Variants in MPRIP observed in about 807,000 individuals in gnomAD.
MPRIP encodes myosin phosphatase Rho-interacting protein.
In MPRIP, 59 loss-of-function variants were observed where a neutral mutation model predicts 234.9. The observed-to-expected ratio is 0.25, with a 90% confidence interval of 0.20 to 0.31. The LOEUF is 0.31. Among genes scored for constraint, MPRIP ranks in the 10% least tolerant of loss-of-function variants. The pLI, the probability that MPRIP is intolerant of heterozygous loss-of-function variation, is 1.00. For synonymous variants in MPRIP, 1,144 were observed against 1,263.9 expected (o/e 0.91, Z 2.01); for missense variants, 2,436 against 3,071.0 (o/e 0.79, Z 4.89).
rs1477290340 is a variant in MPRIP at position 17,150,020 on chromosome 17, CACTT to C, written c.1630-123_1630-120del. On this transcript the variant is annotated intron_variant, in intron 11 of 23. Transcript: ENST00000651222. ...GCAGTAGTAGGATAGACGGTGTCCTCACTTGTCAGTGTGTATACTATTAAAAGTA... is the reference window on the plus strand; with the variant it reads ...GCAGTAGTAGGATAGACGGTGTCCTCGTCAGTGTGTATACTATTAAAAGTA... The C allele has an allele frequency of 4.2e-6, 3 of 715,200 alleles. No homozygotes were observed. In the African/African-American group the frequency reaches 5.2e-5, roughly 12 times the overall value. The allele number at this position is 715,200 out of a possible 1,614,324, so 44.3% of individuals were successfully genotyped here.
chr17:17,124,291 G>A (rs2090450458), intron 3 of MPRIP, among the ~76,000 whole-genome samples: 1 of 152,232 alleles, frequency 6.6e-6, no homozygotes. Context: ...CTGAACCCTG[G>A]AACAGTGGCC....
intron 13 of MPRIP, among the ~76,000 whole-genome samples, chr17:17,154,627 C>T (rs1045116244): frequency 3.9e-5 from 6 of 152,220 alleles, no homozygotes; most frequent in Admixed American, 6.5e-5. Context: ...TAAGCCCAAG[C>T]GTTTCATCTT....
In MPRIP at chr17:17,167,317, T is replaced by C. The variant is rs2046023639; in HGVS notation, c.5726T>C (p.Val1909Ala). The C allele has an allele frequency of 7.7e-6, 10 of 1,303,636 alleles. No individual in the cohort carries two copies. The highest frequency in any genetic ancestry group is 1.0e-5 in the Non-Finnish European group (10 of 988,906). 80.8% of individuals were successfully genotyped at this position (1,303,636 alleles called of 1,614,324 possible). The change falls in exon 16 of 24, where the codon GTT (valine) becomes GCT (alanine). Residue 1909 changes from valine to alanine, a missense_variant. Physicochemically the swap from Val to Ala is moderately conservative, Grantham distance 64. Around this residue, in one of 4 missense-constraint regions of MPRIP, gnomAD observed 1,998 missense variants for 2,520.3 expected, o/e 0.79. Transcript: ENST00000651222. This position sits in a 1 kb window ranked among gnomAD's most constrained non-coding sequence, Gnocchi z 5.9. Reference sequence around the variant, plus strand: ...GAGTACCTGGATGTGATCGCCATTGTTGAAAGGGAGAATGCAGAGCTCAAG... The same window carrying C: ...GAGTACCTGGATGTGATCGCCATTGCTGAAAGGGAGAATGCAGAGCTCAAG... ...KSEYLDVIAI[V>A]ERENAELKAK...
intron 9 of MPRIP, among the ~76,000 whole-genome samples, chr17:17,144,281 G>A (rs2045408027): frequency 6.6e-6 from 1 of 152,204 alleles, no homozygotes; most frequent in Non-Finnish European, 1.5e-5. Flanking sequence ...GCTCACCATG[G>A]GCCTCCGGCC....
At position 17,166,193 on chromosome 17, in the gene MPRIP, G is replaced by A. The variant is rs918040199; in HGVS notation, c.4602G>A (p.Leu1534=). Residue 1534 remains leucine, a synonymous_variant, in exon 16 of 24, where the codon CTG becomes CTA. Transcript: ENST00000651222. This position sits in a 1 kb window ranked among gnomAD's most constrained non-coding sequence, Gnocchi z 4.4. ...APAHGGARAQ[L]ETGGTEENGK... ...CCCATGGCGGGGCCCGTGCACAGCT[G>A]GAGACAGGTGGCACCGAGGAGAATG... The A allele has an allele frequency of 8.5e-5, 111 of 1,303,086 alleles. No individual in the cohort carries two copies. Among genetic ancestry groups the A allele is most frequent in the Middle Eastern group, 6.4e-4 (3 of 4,714 alleles). 80.7% of individuals were successfully genotyped at this position (1,303,086 alleles called of 1,614,324 possible).
intron 1 of MPRIP, among the ~76,000 whole-genome samples, chr17:17,060,932 C>G (rs6502558): frequency 0.045 from 6,803 of 152,296 alleles, 472 homozygotes; most frequent in African/African-American, 0.14. Context: ...AGTTCTAGCA[C>G]AGTTTGGTCA....
At chr17:17,066,873 C>T (rs541162324) in intron 1 of MPRIP, among the ~76,000 whole-genome samples, 1 of 151,760 alleles carries the variant, frequency 6.6e-6, no homozygotes, top group South Asian at 2.1e-4. Context: ...CCTCATGCCT[C>T]AGCCTCCCAC....
At position 17,158,688 on chromosome 17, in the gene MPRIP, C is replaced by A. The variant is rs190974068; in HGVS notation, c.2086C>A (p.Pro696Thr). The change falls in exon 14 of 24, where the codon CCT becomes ACT. Residue 696 changes from proline to threonine, a missense_variant. By Grantham distance (38) the Pro-to-Thr change is conservative (BLOSUM62 -1). Coordinates refer to ENST00000651222, the MANE Select transcript of MPRIP (RefSeq NM_001364716.4). The stretch of plus-strand genomic sequence containing the variant: ...CGAGCCCCTGCGCCCTGAGGCGGAG[C>A]CTGGGGAGCTGGAGCGGGAGCGTGC... ...THEPLRPEAE[P>T]GELERERARR... 1 of 1,608,716 alleles carries A rather than the reference C, an allele frequency of 6.2e-7. No individual in the cohort carries two copies.
At chr17:17,145,562 G>A (rs941503538) in intron 9 of MPRIP, among the ~76,000 whole-genome samples, 1 of 152,236 alleles carries the variant, frequency 6.6e-6, no homozygotes, top group Admixed American at 6.5e-5. Flanking sequence ...GGGTCTCAGC[G>A]GGGCTGCAGC....
At chr17:17,160,579 T>C (rs2045840950) in intron 14 of MPRIP, among the ~76,000 whole-genome samples, 1 of 152,154 alleles carries the variant, frequency 6.6e-6, no homozygotes. Context: ...TAGCTGAAGC[T>C]GTTGAAAGCA....
intron 13 of MPRIP, among the ~76,000 whole-genome samples, chr17:17,158,074 C>T (rs2144592795): frequency 6.6e-6 from 1 of 152,258 alleles, no homozygotes; most frequent in South Asian, 2.1e-4. Flanking sequence ...TGGGACTCCC[C>T]TGGCTCCATA....
rs149076486 is a variant in MPRIP, at chr17:17,093,094, C to T, written c.267+15018C>T. ...TTTTGGATAAACGGGTGGCAACGGC[C>T]ATGCTGGTTTCCTTCATATATTGTT... On this transcript the variant is annotated intron_variant, in intron 3 of 23. Transcript: ENST00000651222. 5.7e-3 allele frequency among the ~76,000 whole-genome samples: 863 copies of T among 152,316 alleles called. 14 individuals carry two copies. Among genetic ancestry groups the T allele is most frequent in the Admixed American group, 0.035 (543 of 15,304 alleles).
At chr17:17,080,131 C>T (rs773233893) in intron 3 of MPRIP, among the ~76,000 whole-genome samples, 1 of 152,210 alleles carries the variant, frequency 6.6e-6, no homozygotes, top group Non-Finnish European at 1.5e-5. Flanking sequence ...GAAACTGACC[C>T]AGTGAGCCCA....
rs745826089 is a variant in MPRIP at position 17,138,017 on chromosome 17, G to A, written c.838G>A (p.Glu280Lys). 1.9e-6 allele frequency: 3 copies of A among 1,611,696 alleles called. No individual in the cohort carries two copies. The highest frequency in any genetic ancestry group is 2.5e-6 in the Non-Finnish European group (3 of 1,179,264). The change falls in exon 7 of 24, where the codon GAA becomes AAA. Residue 280 changes from glutamate to lysine, a missense_variant. Around this residue, in one of 4 missense-constraint regions of MPRIP, gnomAD observed 267 missense variants for 252.7 expected, o/e 1.06. Coordinates refer to ENST00000651222, the MANE Select transcript of MPRIP (RefSeq NM_001364716.4). The surrounding 1 kb of genome is among the most constrained non-coding windows in gnomAD (Gnocchi z 5.8). ...LEKTKQDLKA[E>K]EQQLPPPLSP... The stretch of plus-strand genomic sequence containing the variant: ...GAAGACCAAACAGGACTTGAAGGCT[G>A]AAGAACAGCAGCTGCCCCCGCCGCT...
chr17:17,107,962 C>A (rs868735519), intron 3 of MPRIP, among the ~76,000 whole-genome samples: 36 of 152,204 alleles, frequency 2.4e-4, no homozygotes, highest in African/African-American at 8.0e-4. Context: ...TGCTCAGGGG[C>A]CTGCCCGGAG....
At position 17,185,893 on chromosome 17, in the gene MPRIP, T is replaced by C. The variant is rs2046466769; in HGVS notation, c.*999T>C. On this transcript the variant is annotated 3_prime_UTR_variant, in exon 24 of 24. Coordinates refer to ENST00000651222, the MANE Select transcript of MPRIP (RefSeq NM_001364716.4). ...ACATTAGTGTTTATTGAGACTCCGA[T>C]CTTAACTCTCATTTAATTAATCTGA... 1 of 165,698 alleles carries C rather than the reference T, an allele frequency of 6.0e-6. No individual in the cohort carries two copies. Among genetic ancestry groups the C allele is most frequent in the Admixed American group, 6.3e-5 (1 of 15,928 alleles). 10.3% of individuals were successfully genotyped at this position (165,698 alleles called of 1,614,324 possible).
chr17:17,182,124 G>T (rs965151108), intron 23 of MPRIP: 2 of 152,198 alleles, frequency 1.3e-5, no homozygotes, highest in Non-Finnish European at 2.9e-5. Flanking sequence ...AGGAGGCACA[G>T]GCATGGGTGG....
intron 1 of MPRIP, among the ~76,000 whole-genome samples, chr17:17,048,138 GC>G (rs377378582): frequency 6.6e-6 from 1 of 152,248 alleles, no homozygotes; most frequent in African/African-American, 2.4e-5. Flanking sequence ...TCTTTGTCTA[GC>G]CCTGTTTTTT....
chr17:17,158,378 C>G, intron 13 of MPRIP, 54 bp from the exon 14 acceptor site: 1 of 1,464,002 alleles, frequency 6.8e-7, no homozygotes. Flanking sequence ...TTCTGCCTGG[C>G]AGGCCACACC....
Sources: gnomAD v4.1 joint callset for allele counts (sites outside exome capture counted in the v4.1 genomes callset) on GRCh38, gnomAD v4.1.1 for gene constraint, gnomAD v4.1.1 regional missense constraint, Gnocchi (gnomAD v3.1) non-coding constraint, MANE v1.5 for transcripts, NCBI Gene and HGNC (gene_info 2026-07-23, HGNC 2026-07-21) for gene names.